KDM7A: variants seen among roughly 807,000 people sequenced by gnomAD.
KDM7A encodes the protein lysine-specific demethylase 7A.
A neutral mutation model predicts 114.8 loss-of-function variants in KDM7A; 28 were observed. The ratio of observed to expected loss-of-function variants is 0.24; its 90% CI spans 0.18 to 0.33. KDM7A has a LOEUF of 0.33. Among genes scored for constraint, KDM7A ranks in the 10% least tolerant of loss-of-function variants. KDM7A has a pLI of 1.00. For missense variants in KDM7A, 942 were observed against 1,142.5 expected (o/e 0.82, Z 2.53); for synonymous variants, 423 against 397.8 (o/e 1.06, Z -0.75).
At chr7:140,152,612 A>T (rs968315716) in intron 1 of KDM7A, among the ~76,000 whole-genome samples, 2 of 142,324 alleles carry the variant, frequency 1.4e-5, no homozygotes, top group African/African-American at 5.3e-5. Context: ...GGCGAGAGTG[A>T]GACTCCGTTT....
Position 140,126,724 on chromosome 7 carries a change from C to A in KDM7A, c.801G>T (p.Gln267His). 3.1e-6 allele frequency: 5 copies of A among 1,613,878 alleles called. No homozygotes were observed. Among genetic ancestry groups the A allele is most frequent in the Non-Finnish European group, 4.2e-6 (5 of 1,179,820 alleles). The change falls in exon 6 of 20, where the codon CAG becomes CAT. Residue 267 changes from glutamine to histidine, a missense_variant. Physicochemically the swap from Gln to His is conservative, Grantham distance 24. Coordinates refer to ENST00000397560, the MANE Select transcript of KDM7A (RefSeq NM_030647.2). ...CTTGAACTCCCATTAAGCAATATTT[C>A]TGAACAAATGGCTTGGGAAAGACTG... ...DDSVFPKPFV[Q>H]KYCLMGVQDS...
Position 140,133,482 on chromosome 7 carries a change from T to C in KDM7A, c.398+57A>G. On this transcript the variant is annotated intron_variant, in intron 3 of 19. Transcript: ENST00000397560. The stretch of plus-strand genomic sequence containing the variant: ...ACATTGCCTTTATATAATGTCACTC[T>C]ATGAGACGACATTCTTACATTCTTA... 6.9e-6 allele frequency: 7 copies of C among 1,012,606 alleles called. No individual in the cohort carries two copies. In the South Asian group the frequency reaches 7.9e-5, roughly 11 times the overall value. The allele number at this position is 1,012,606 out of a possible 1,614,324, so 62.7% of individuals were successfully genotyped here.
At chr7:140,109,966 G>A (rs1483710158) in intron 11 of KDM7A, among the ~76,000 whole-genome samples, 1 of 152,142 alleles carries the variant, frequency 6.6e-6, no homozygotes, top group Non-Finnish European at 1.5e-5. Context: ...AGGATTGCCA[G>A]ATAAAATAAC....
intron 1 of KDM7A, among the ~76,000 whole-genome samples, chr7:140,143,582 T>C (rs920368866): frequency 2.0e-5 from 3 of 152,168 alleles, no homozygotes; most frequent in African/African-American, 4.8e-5. Flanking sequence ...ACAAAAATCT[T>C]GAAATGTATT....
chr7:140,121,987 G>A (rs537683769), intron 7 of KDM7A, among the ~76,000 whole-genome samples: 2 of 152,292 alleles, frequency 1.3e-5, no homozygotes, highest in East Asian at 3.9e-4. Context: ...AGCAGCACCT[G>A]AATCAGCCAA....
At chr7:140,157,994 A>T (rs1002525614) in intron 1 of KDM7A, among the ~76,000 whole-genome samples, 5 of 137,016 alleles carry the variant, frequency 3.6e-5, no homozygotes, top group African/African-American at 1.5e-4. Flanking sequence ...AAATAAATAA[A>T]TAATAATAAT....
chr7:140,132,794 G>A (rs965817418), intron 3 of KDM7A, among the ~76,000 whole-genome samples: 3 of 152,152 alleles, frequency 2.0e-5, no homozygotes, highest in African/African-American at 7.2e-5. Context: ...TAAAGACTGA[G>A]GAGAAATAGC....
At chr7:140,107,557 C>T (rs1818359029) in intron 11 of KDM7A, among the ~76,000 whole-genome samples, 1 of 152,180 alleles carries the variant, frequency 6.6e-6, no homozygotes, top group African/African-American at 2.4e-5. Flanking sequence ...ATATGAAATT[C>T]TGGGTTGAAA....
chr7:140,085,274 A>G lies in KDM7A; in HGVS notation c.*5820T>C, dbSNP rs759715794. On this transcript the variant is annotated 3_prime_UTR_variant, in exon 20 of 20. Coordinates refer to ENST00000397560, the MANE Select transcript of KDM7A (RefSeq NM_030647.2). ...CCGTGGGCATAAAAACCAGTAAGAAAAGTCAGTCAGGCTAGCAAAACGTTA... is the reference window on the plus strand; with the variant it reads ...CCGTGGGCATAAAAACCAGTAAGAAGAGTCAGTCAGGCTAGCAAAACGTTA... 37 of 152,286 alleles carry G rather than the reference A, an allele frequency of 2.4e-4. No individual in the cohort carries two copies. The highest frequency in any genetic ancestry group is 2.0e-3 in the Admixed American group (31 of 15,302). 9.4% of individuals were successfully genotyped at this position (152,286 alleles called of 1,614,324 possible). A position where few individuals can be genotyped will look rare whatever the true frequency, so the allele number is the denominator to read the frequency against.
chr7:140,153,891 T>A (rs1419557453), intron 1 of KDM7A, among the ~76,000 whole-genome samples: 2 of 152,144 alleles, frequency 1.3e-5, no homozygotes, highest in Non-Finnish European at 2.9e-5. Flanking sequence ...CCACTTTCGA[T>A]TATCTATTTT....
chr7:140,084,778 A>G lies in KDM7A; in HGVS notation c.*6316T>C, dbSNP rs1817894113. On this transcript the variant is annotated 3_prime_UTR_variant, in exon 20 of 20. Transcript: ENST00000397560. ...TAGAATTCAGATTCTTTTTCTTTCA[A>G]GGACGCATTTTATACAATTTTCAAC... is the stretch of plus-strand genomic sequence containing the variant. The G allele has an allele frequency of 6.6e-6, 1 of 152,256 alleles. No individual in the cohort carries two copies. The highest frequency in any genetic ancestry group is 2.4e-5 in the African/African-American group (1 of 41,468). 9.4% of individuals were successfully genotyped at this position (152,256 alleles called of 1,614,324 possible). A position where few individuals can be genotyped will look rare whatever the true frequency, so the allele number is the denominator to read the frequency against.
Position 140,091,022 on chromosome 7 carries a change from C to T in KDM7A, c.*72G>A. On this transcript the variant is annotated 3_prime_UTR_variant, in exon 20 of 20. Transcript: ENST00000397560. Reference sequence around the variant, plus strand: ...ACACAAACTGCTCCAGGCAGGGGGACAGCGGAAGCTCCAGGCTCCTGCACC... The same window carrying T: ...ACACAAACTGCTCCAGGCAGGGGGATAGCGGAAGCTCCAGGCTCCTGCACC... 8 of 1,038,326 alleles carry T rather than the reference C, an allele frequency of 7.7e-6. No homozygotes were observed. Among genetic ancestry groups the T allele is most frequent in the East Asian group, 2.4e-5 (1 of 42,224 alleles). 64.3% of individuals were successfully genotyped at this position (1,038,326 alleles called of 1,614,324 possible).
chr7:140,166,326 T>A (rs943150264), intron 1 of KDM7A, among the ~76,000 whole-genome samples: 4 of 149,868 alleles, frequency 2.7e-5, no homozygotes, highest in African/African-American at 9.9e-5. Context: ...TGAGGAATAC[T>A]TTTTTTTCCT....
chr7:140,152,253 C>T (rs1161161407), intron 1 of KDM7A, among the ~76,000 whole-genome samples: 1 of 152,124 alleles, frequency 6.6e-6, no homozygotes, highest in South Asian at 2.1e-4. Flanking sequence ...CAGTAGGGGT[C>T]TGAACCACAA....
rs996950572 is a variant in KDM7A at position 140,089,413 on chromosome 7, G to A, written c.*1681C>T. 8.5e-5 allele frequency: 13 copies of A among 152,082 alleles called. No homozygotes were observed. The highest frequency in any genetic ancestry group is 1.3e-4 in the Non-Finnish European group (9 of 68,018). The allele number at this position is 152,082 out of a possible 1,614,324, so 9.4% of individuals were successfully genotyped here. ...TTGAATGCAACCATGAAAGATGATG[G>A]TACAGACTTTTTTCTTCTTAGCAAT... On this transcript the variant is annotated 3_prime_UTR_variant, in exon 20 of 20. Transcript: ENST00000397560.
chr7:140,098,181 C>G (rs1398805410), intron 14 of KDM7A, among the ~76,000 whole-genome samples: 3 of 152,180 alleles, frequency 2.0e-5, no homozygotes, highest in Non-Finnish European at 4.4e-5. Flanking sequence ...GTGCCAATTT[C>G]ACTCAGATTA....
chr7:140,119,061 T>C, intron 9 of KDM7A, 52 bp downstream of exon 9: 6 of 1,052,336 alleles, frequency 5.7e-6, no homozygotes, highest in Non-Finnish European at 5.8e-6. Flanking sequence ...TATGAGTGAA[T>C]TTACAAACAA....
At chr7:140,147,804 C>T (rs1437463852) in intron 1 of KDM7A, among the ~76,000 whole-genome samples, 3 of 152,078 alleles carry the variant, frequency 2.0e-5, no homozygotes, top group Non-Finnish European at 2.9e-5. Flanking sequence ...TCCATGACAC[C>T]GGATAAACAC....
At chr7:140,172,299 T>C (rs1415629914) in intron 1 of KDM7A, among the ~76,000 whole-genome samples, 1 of 152,074 alleles carries the variant, frequency 6.6e-6, no homozygotes, top group Non-Finnish European at 1.5e-5. Flanking sequence ...AGGAAATAAT[T>C]AAATAACCAC....
Sources: gnomAD v4.1 joint callset for allele counts (sites outside exome capture counted in the v4.1 genomes callset) on GRCh38, gnomAD v4.1.1 for gene constraint, MANE v1.5 for transcripts, NCBI Gene and HGNC (gene_info 2026-07-23, HGNC 2026-07-21) for gene names.